The following RELN variants were observed in gnomAD, a reference collection of about 807,000 sequenced individuals.
The protein encoded by RELN is reelin.
RELN carries 108 observed loss-of-function variants against 427.6 expected under a neutral mutation model. The observed-to-expected ratio is 0.25, with a 90% confidence interval of 0.22 to 0.30. RELN has a LOEUF of 0.30. RELN is among the 10% of genes least tolerant of loss of function. RELN has a pLI of 1.00. For missense variants in RELN, 3,715 were observed against 4,302.8 expected, an observed-to-expected ratio of 0.86 and a Z score of 3.82; for synonymous variants, 1,524 against 1,513.4, an observed-to-expected ratio of 1.01 and a Z score of -0.16.
chr7:103,560,898 C>A (rs751437260), intron 36 of RELN, among the ~76,000 whole-genome samples: 3 of 152,108 alleles, frequency 2.0e-5, no homozygotes, highest in Non-Finnish European at 2.9e-5. Flanking sequence ...GAAACCCATG[C>A]AGGTTTTTGT....
intron 3 of RELN, among the ~76,000 whole-genome samples, chr7:103,815,299 TAATG>T (rs1792843919): frequency 6.6e-6 from 1 of 152,208 alleles, no homozygotes; most frequent in Non-Finnish European, 1.5e-5. Flanking sequence ...GTTTTACACA[TAATG>T]AATCAACAGT....
intron 41 of RELN, among the ~76,000 whole-genome samples, chr7:103,547,402 T>C (rs1352091232): frequency 1.3e-5 from 2 of 151,852 alleles, no homozygotes; most frequent in Non-Finnish European, 2.9e-5. Context: ...GTTCAAGCAA[T>C]TCTTCTGCCT....
Position 103,594,491 on chromosome 7 carries a change from A to C in RELN, c.3541T>G (p.Phe1181Val), listed in dbSNP as rs773320636. The change falls in exon 26 of 65, where the codon TTT becomes GTT. Residue 1181 changes from phenylalanine (F) to valine (V), a missense_variant and splice_region_variant. By Grantham distance (50) the Phe-to-Val change is conservative. Coordinates refer to ENST00000428762, the MANE Select transcript of RELN (RefSeq NM_005045.4). Reference protein sequence around the residue: ...MYFSDFSKPRFVYLELPAAAK... With the variant: ...MYFSDFSKPRVVYLELPAAAK... ...GCAGCTGGAAGCTCCAGATAGACAA[A>C]TCTGAATAAAAGTAAATCATTTACG... The C allele has an allele frequency of 1.9e-6, 3 of 1,613,796 alleles. No homozygotes were observed. The highest frequency in any genetic ancestry group is 2.5e-6 in the Non-Finnish European group (3 of 1,179,820).
At chr7:103,532,979 T>C (rs1452865995) in intron 46 of RELN, among the ~76,000 whole-genome samples, 3 of 152,228 alleles carry the variant, frequency 2.0e-5, no homozygotes, top group South Asian at 2.1e-4. Context: ...AGCTCCCTCA[T>C]AGGCCTAGCA....
chr7:103,924,425 A>G (rs1795681020), intron 1 of RELN, among the ~76,000 whole-genome samples: 1 of 152,194 alleles, frequency 6.6e-6, no homozygotes, highest in Non-Finnish European at 1.5e-5. Context: ...AAGGTCAAAG[A>G]GCCCTGGATC....
At chr7:103,519,860 A>G (rs941326657) in intron 48 of RELN, among the ~76,000 whole-genome samples, 1 of 151,884 alleles carries the variant, frequency 6.6e-6, no homozygotes, top group Non-Finnish European at 1.5e-5. Flanking sequence ...CATTCTTTTA[A>G]TATTTATTTT....
intron 1 of RELN, among the ~76,000 whole-genome samples, chr7:103,945,179 A>G (rs1049992492): frequency 1.3e-5 from 2 of 152,144 alleles, no homozygotes; most frequent in African/African-American, 2.4e-5. Context: ...GGAGCTCTCA[A>G]AAGACCTACA....
intron 20 of RELN, among the ~76,000 whole-genome samples, chr7:103,621,556 A>G (rs1012951427): frequency 6.6e-6 from 1 of 152,148 alleles, no homozygotes; most frequent in Non-Finnish European, 1.5e-5. Context: ...TGGGAGAGGA[A>G]AGAGCTTGGC....
intron 15 of RELN, 112 bp downstream of exon 15, chr7:103,651,549 G>C: frequency 1.0e-6 from 1 of 994,938 alleles, no homozygotes; most frequent in Non-Finnish European, 1.6e-6. Context: ...CTTTTAAAGA[G>C]GTTAGGTTTC....
intron 8 of RELN, among the ~76,000 whole-genome samples, chr7:103,716,800 G>T (rs551985852): frequency 1.3e-5 from 2 of 152,312 alleles, no homozygotes; most frequent in East Asian, 3.9e-4. Context: ...TATCAAAGCA[G>T]AGTGAAGTAC....
At chr7:103,534,618 G>A (rs954782578) in intron 46 of RELN, among the ~76,000 whole-genome samples, 1 of 152,048 alleles carries the variant, frequency 6.6e-6, no homozygotes, top group African/African-American at 2.4e-5. Context: ...CTCCTGAGTG[G>A]CTGGGACTGC....
chr7:103,893,555 T>C (rs1794894681), intron 2 of RELN, among the ~76,000 whole-genome samples: 1 of 152,208 alleles, frequency 6.6e-6, no homozygotes, highest in Admixed American at 6.6e-5. Flanking sequence ...GCAAATTTTA[T>C]ATGCTAAAGA....
At position 103,963,134 on chromosome 7, in the gene RELN, C is replaced by CTTTTTT. The variant is rs61170235; in HGVS notation, c.226+25991_226+25996dup. 1.5e-3 allele frequency among the ~76,000 whole-genome samples: 205 copies of CTTTTTT among 139,306 alleles called. 11 individuals carry two copies. The highest frequency in any genetic ancestry group is 3.8e-3 in the Middle Eastern group (1 of 266). The allele number at this position is 139,306 out of a possible 152,430, so 91.4% of individuals were successfully genotyped here. On this transcript the variant is annotated intron_variant, in intron 1 of 64. Transcript: ENST00000428762. ...TCTCTCTCTCTCCTCTTTTCGCCTTCTTTTTTTTTTCTCATTGGCGCTTTC... is the reference window on the plus strand; with the variant it reads ...TCTCTCTCTCTCCTCTTTTCGCCTTCTTTTTTTTTTTTTTTTCTCATTGGCGCTTTC...
chr7:103,797,940 AAAC>A (rs1468876361), intron 3 of RELN, among the ~76,000 whole-genome samples: 1 of 152,236 alleles, frequency 6.6e-6, no homozygotes, highest in Non-Finnish European at 1.5e-5. Flanking sequence ...ATTTGAGAGA[AAAC>A]AACAAATCAT....
intron 2 of RELN, among the ~76,000 whole-genome samples, chr7:103,841,617 G>A (rs1793553380): frequency 1.3e-5 from 2 of 151,998 alleles, no homozygotes; most frequent in African/African-American, 2.4e-5. Flanking sequence ...TGTGAACCCC[G>A]TTTTCCCCCA....
chr7:103,503,893 T>TAA (rs71154347), intron 51 of RELN, among the ~76,000 whole-genome samples: 1,337 of 96,538 alleles, frequency 0.014, 22 homozygotes, highest in East Asian at 0.038. Context: ...AATGTTCTTG[T>TAA]AAAAAAAAAA....
intron 6 of RELN, among the ~76,000 whole-genome samples, chr7:103,748,430 C>T (rs1790903117): frequency 1.3e-5 from 2 of 152,148 alleles, no homozygotes; most frequent in Non-Finnish European, 2.9e-5. Flanking sequence ...CTTTCTCGAA[C>T]AAACTCCCAC....
chr7:103,753,140 T>A, intron 5 of RELN, 42 bp downstream of exon 5: 1 of 1,605,704 alleles, frequency 6.2e-7, no homozygotes, highest in Non-Finnish European at 8.5e-7. Flanking sequence ...AACAAGTAGA[T>A]CAAGTACTAA....
rs1042558000 is a variant in RELN, at chr7:103,698,225, T to G, written c.903-132A>C. The G allele has an allele frequency of 1.5e-5, 16 of 1,102,686 alleles. No individual in the cohort carries two copies. In the African/African-American group the frequency reaches 2.5e-4, roughly 17 times the overall value. 68.3% of individuals were successfully genotyped at this position (1,102,686 alleles called of 1,614,324 possible). A position where few individuals can be genotyped will look rare whatever the true frequency, so the allele number is the denominator to read the frequency against. On this transcript the variant is annotated intron_variant, in intron 9 of 64. Transcript: ENST00000428762. ...TTTATTACAGATAAAATAGCTACAA[T>G]CTCATAGCCCTTAAATCTTTTAATA...
Sources: allele counts gnomAD v4.1 joint callset (sites outside exome capture counted in the v4.1 genomes callset), GRCh38; gene constraint gnomAD v4.1.1; transcripts MANE v1.5; gene names NCBI Gene and HGNC (gene_info 2026-07-23, HGNC 2026-07-21).